CEP126: variants seen among roughly 807,000 people sequenced by gnomAD.
CEP126 encodes the protein centrosomal protein 126, also known as centrosomal protein of 126 kDa.
CEP126 carries 74 observed loss-of-function variants against 107.8 expected under a neutral mutation model. The ratio of observed to expected loss-of-function variants is 0.69; its 90% CI spans 0.57 to 0.83. The LOEUF (loss-of-function observed/expected upper bound fraction) is 0.83. Among genes scored for constraint, CEP126 ranks in the 40% least tolerant of loss-of-function variants. The pLI, the probability that CEP126 is intolerant of heterozygous loss-of-function variation, is 0.00. For synonymous variants in CEP126, 449 were observed against 446.0 expected, an observed-to-expected ratio of 1.01 and a Z score of -0.08; for missense variants, 1,237 against 1,281.9, an observed-to-expected ratio of 0.96 and a Z score of 0.53.
At chr11:101,959,068 T>C (rs953631792) in intron 5 of CEP126, among the ~76,000 whole-genome samples, 4 of 152,246 alleles carry the variant, frequency 2.6e-5, no homozygotes, top group Non-Finnish European at 5.9e-5. Context: ...TACGTAGTTA[T>C]GTTGCCTGAA....
chr11:101,974,407 A>C (rs1941169784), intron 6 of CEP126, among the ~76,000 whole-genome samples: 1 of 152,206 alleles, frequency 6.6e-6, no homozygotes, highest in African/African-American at 2.4e-5. Flanking sequence ...GGCTTATGAC[A>C]AAGAAGAAGG....
chr11:101,988,744 G>A (rs777716271), intron 9 of CEP126, among the ~76,000 whole-genome samples: 3 of 150,968 alleles, frequency 2.0e-5, no homozygotes, highest in African/African-American at 4.9e-5. Context: ...AGACAAAAAC[G>A]AAGAGACTTT....
chr11:101,937,949 C>T (rs570787504), intron 2 of CEP126, among the ~76,000 whole-genome samples: 2 of 150,682 alleles, frequency 1.3e-5, no homozygotes, highest in African/African-American at 4.9e-5. Flanking sequence ...GTCAGGAGAT[C>T]GAGACCATCC....
At chr11:101,918,062 A>G (rs1490809045) in intron 1 of CEP126, among the ~76,000 whole-genome samples, 4 of 152,078 alleles carry the variant, frequency 2.6e-5, no homozygotes, top group African/African-American at 9.7e-5. Context: ...GTCTGTTCCA[A>G]CAAACAGCAC....
chr11:101,997,868 C>T lies in CEP126; in HGVS notation c.*225C>T. On this transcript the variant is annotated 3_prime_UTR_variant, in exon 11 of 11. Coordinates refer to ENST00000263468, the MANE Select transcript of CEP126 (RefSeq NM_020802.4). ...AATACCATGAAAGACATTATGCCTGCCTAAACAAAAAGCAGGACATAACCT... is the reference window on the plus strand; with the variant it reads ...AATACCATGAAAGACATTATGCCTGTCTAAACAAAAAGCAGGACATAACCT... The T allele has an allele frequency of 1.9e-6, 1 of 531,218 alleles. No homozygotes were observed. Among genetic ancestry groups the T allele is most frequent in the Non-Finnish European group, 3.3e-6 (1 of 304,114 alleles). The allele number at this position is 531,218 out of a possible 1,614,324, so 32.9% of individuals were successfully genotyped here. A position where few individuals can be genotyped will look rare whatever the true frequency, so the allele number is the denominator to read the frequency against.
chr11:101,962,227 A>T lies in CEP126; in HGVS notation c.1192A>T (p.Thr398Ser), dbSNP rs1170603885. 2 of 1,613,852 alleles carry T rather than the reference A, an allele frequency of 1.2e-6. No homozygotes were observed. The highest frequency in any genetic ancestry group is 1.7e-6 in the Non-Finnish European group (2 of 1,179,874). Residue 398 changes from threonine to serine, a missense_variant, in exon 6 of 11, where the codon ACT becomes TCT. Around this residue, in one of 3 missense-constraint regions of CEP126, gnomAD observed 1,134 missense variants for 1,150.5 expected, o/e 0.99. Coordinates refer to ENST00000263468, the MANE Select transcript of CEP126 (RefSeq NM_020802.4). ...ETSTMRTTDS[T>S]SGAFKRERPL... ...TAGCACTATGAGGACAACTGACTCCACTTCTGGAGCATTCAAAAGAGAGAG... is the reference window on the plus strand; with the variant it reads ...TAGCACTATGAGGACAACTGACTCCTCTTCTGGAGCATTCAAAAGAGAGAG...
At position 101,994,122 on chromosome 11, in the gene CEP126, C is replaced by A. The variant is rs571862107; in HGVS notation, c.3309+1280C>A. Reference sequence around the variant, plus strand: ...TGGTGGTGTGCACCTGTAGTCCCAACTACTCAGGAGGCTGAGGCAGGAGAA... The same window carrying A: ...TGGTGGTGTGCACCTGTAGTCCCAAATACTCAGGAGGCTGAGGCAGGAGAA... On this transcript the variant is annotated intron_variant, in intron 10 of 10. Coordinates refer to ENST00000263468, the MANE Select transcript of CEP126 (RefSeq NM_020802.4). Among the ~76,000 whole-genome samples, 519 of 152,310 alleles carry A rather than the reference C, an allele frequency of 3.4e-3. 2 individuals carry two copies. Among genetic ancestry groups the A allele is most frequent in the African/African-American group, 0.012 (489 of 41,564 alleles).
At chr11:101,945,954 A>C (rs1335826228) in intron 3 of CEP126, among the ~76,000 whole-genome samples, 1 of 152,166 alleles carries the variant, frequency 6.6e-6, no homozygotes, top group Non-Finnish European at 1.5e-5. Context: ...TCTCTGCTAT[A>C]ATTAGATTTG....
At chr11:101,977,399 G>A (rs1329214556) in intron 6 of CEP126, among the ~76,000 whole-genome samples, 8 of 151,910 alleles carry the variant, frequency 5.3e-5, no homozygotes, top group Admixed American at 6.6e-5. Context: ...TTGGGAGGAC[G>A]AGGCGGGCAG....
chr11:101,936,712 C>T (rs1940584646), intron 2 of CEP126, among the ~76,000 whole-genome samples: 1 of 152,126 alleles, frequency 6.6e-6, no homozygotes, highest in Admixed American at 6.5e-5. Context: ...TAGGTGCCCT[C>T]TATCAGATTG....
chr11:101,917,694 T>C (rs11225061), intron 1 of CEP126, among the ~76,000 whole-genome samples: 12,530 of 151,944 alleles, frequency 0.082, 797 homozygotes, highest in East Asian at 0.32. Context: ...CCTCCCATTT[T>C]ATCCTAGCAC....
intron 6 of CEP126, among the ~76,000 whole-genome samples, chr11:101,973,673 T>A (rs1026481041): frequency 2.6e-5 from 4 of 152,160 alleles, no homozygotes; most frequent in Admixed American, 6.5e-5. Context: ...AAATTTTTTT[T>A]AAAAAGCAAT....
At position 101,915,408 on chromosome 11, in the gene CEP126, T is replaced by TA. The variant is rs1206173549; in HGVS notation, c.125dup (p.Tyr42Ter). 2 of 1,612,594 alleles carry TA rather than the reference T, an allele frequency of 1.2e-6. No homozygotes were observed. The change falls in exon 1 of 11, where the codon TAC becomes TAAC. Residue 42 changes from tyrosine to a stop codon, truncating the protein, a stop_gained and frameshift_variant. Transcript: ENST00000263468. LOFTEE classifies it high-confidence loss of function. ...CGGCGGGCATCACCGACCTGGCTCT[T>TA]ACCTGTATCCTTCCCAGCCTGTGGC... ...ESGGHHRPGS[Y>*]LDMKIHLEKN...
At chr11:101,980,746 C>A (rs12802591) in intron 7 of CEP126, among the ~76,000 whole-genome samples, 1 of 152,070 alleles carries the variant, frequency 6.6e-6, no homozygotes, top group East Asian at 1.9e-4. Flanking sequence ...TTTCTCCAGC[C>A]CATGACATCT....
chr11:101,929,581 ATC>A (rs983670665), intron 2 of CEP126, among the ~76,000 whole-genome samples: 5 of 152,170 alleles, frequency 3.3e-5, no homozygotes, highest in African/African-American at 7.2e-5. Flanking sequence ...TGAAAGTCAT[ATC>A]TCTCTGCAGG....
At chr11:101,980,123 T>A (rs1440557666) in intron 7 of CEP126, among the ~76,000 whole-genome samples, 1 of 152,188 alleles carries the variant, frequency 6.6e-6, no homozygotes, top group East Asian at 1.9e-4. Context: ...TTTAGTTGTA[T>A]GTTTATGGAA....
At chr11:101,916,128 G>A (rs1389933491) in intron 1 of CEP126, 1 of 152,208 alleles carries the variant, frequency 6.6e-6, no homozygotes, top group African/African-American at 2.4e-5. Context: ...TGATGATTAG[G>A]ATTTAACCTT....
intron 4 of CEP126, among the ~76,000 whole-genome samples, chr11:101,948,772 C>T (rs1469737007): frequency 6.6e-6 from 1 of 152,022 alleles, no homozygotes; most frequent in Non-Finnish European, 1.5e-5. Context: ...AAAATATAAT[C>T]CCTAGTGTAT....
intron 7 of CEP126, among the ~76,000 whole-genome samples, chr11:101,978,754 T>G (rs1225675787): frequency 6.6e-6 from 1 of 152,172 alleles, no homozygotes; most frequent in Non-Finnish European, 1.5e-5. Context: ...AATGAGGTCA[T>G]TCACAACAAA....
Sources: gnomAD v4.1 joint callset for allele counts (sites outside exome capture counted in the v4.1 genomes callset) on GRCh38, gnomAD v4.1.1 for gene constraint, gnomAD v4.1.1 regional missense constraint, MANE v1.5 for transcripts, NCBI Gene and HGNC (gene_info 2026-07-23, HGNC 2026-07-21) for gene names.